THOC2: variants seen among roughly 807,000 people sequenced by gnomAD.
THOC2 encodes the protein THO complex 2.
A neutral mutation model predicts 128.4 loss-of-function variants in THOC2; 10 were observed. The observed-to-expected ratio is 0.08, with a 90% CI of 0.05 to 0.13. THOC2 has a LOEUF of 0.13. Ranked by LOEUF, THOC2 falls within the 10% of genes least tolerant of loss-of-function variation. THOC2 has a pLI of 1.00. For missense variants in THOC2, 535 were observed against 1,155.7 expected, an observed-to-expected ratio of 0.46 and a Z score of 7.79; for synonymous variants, 393 against 396.9, an observed-to-expected ratio of 0.99 and a Z score of 0.12.
At chrX:123,712,148 G>A (rs949283675) in intron 2 of THOC2, among the ~76,000 whole-genome samples, 1 of 109,765 alleles carries the variant, frequency 9.1e-6, no homozygotes, top group Admixed American at 9.8e-5. Context: ...TTATAAAAAT[G>A]TATTTTCTAA....
At position 123,636,186 on chromosome X, in the gene THOC2, TA is replaced by T; in HGVS notation, c.1922-12del. The T allele has an allele frequency of 2.6e-6, 3 of 1,162,304 alleles. No individual in the cohort carries two copies. The highest frequency in any genetic ancestry group is 3.0e-5 in the East Asian group (1 of 33,450). On this transcript the variant is annotated splice_polypyrimidine_tract_variant and intron_variant, in intron 18 of 38. Transcript: ENST00000245838. ...AGAAACTAGCCAGACCTATATAAAA[TA>T]AAAAAAGAGTAAAAACAACTCATAA...
chrX:123,680,334 A>C (rs2049711218), intron 8 of THOC2, among the ~76,000 whole-genome samples: 1 of 111,429 alleles, frequency 9.0e-6, no homozygotes, highest in Admixed American at 9.5e-5. Flanking sequence ...ACAATACTTA[A>C]TTCTTTACCT....
chrX:123,711,121 C>A (rs1312855962), intron 2 of THOC2, among the ~76,000 whole-genome samples: 1 of 104,609 alleles, frequency 9.6e-6, no homozygotes, highest in South Asian at 4.6e-4. Flanking sequence ...CGGGTTCAAG[C>A]GATTCTCGTA....
At position 123,658,720 on chromosome X, in the gene THOC2, C is replaced by G. The variant is rs1358096119; in HGVS notation, c.1386+6922G>C. Among the ~76,000 whole-genome samples the G allele has an allele frequency of 3.6e-5, 4 of 111,947 alleles. No individual in the cohort carries two copies. The Admixed American group carries it at 3.8e-4, about 11-fold the overall frequency. The stretch of plus-strand genomic sequence containing the variant: ...AGGAGAGAGGGATAAATGAGCAGAG[C>G]ACAGAGGATTTTTTAGGGCAGTGAT... On this transcript the variant is annotated intron_variant, in intron 12 of 38. Transcript: ENST00000245838.
At chrX:123,647,159 T>C (rs781575908) in intron 12 of THOC2, among the ~76,000 whole-genome samples, 1 of 111,648 alleles carries the variant, frequency 9.0e-6, no homozygotes, top group Non-Finnish European at 1.9e-5. Flanking sequence ...GAAAGAAATA[T>C]AGGAAGCAAA....
intron 33 of THOC2, among the ~76,000 whole-genome samples, chrX:123,619,093 G>A (rs1429705560): frequency 8.9e-6 from 1 of 111,917 alleles, no homozygotes; most frequent in African/African-American, 3.2e-5. Flanking sequence ...CCTCTTCCCC[G>A]AATGTTAAAC....
chrX:123,654,515 G>A (rs1462658579), intron 12 of THOC2, among the ~76,000 whole-genome samples: 2 of 107,715 alleles, frequency 1.9e-5, no homozygotes, highest in African/African-American at 3.4e-5. Context: ...CCAACACTTT[G>A]GGAGGCTGAG....
intron 11 of THOC2, 120 bp downstream of exon 11, chrX:123,666,986 A>T: frequency 2.0e-6 from 1 of 496,691 alleles, no homozygotes; most frequent in Non-Finnish European, 3.3e-6. Context: ...AATAGTTCTT[A>T]TCTTTTGATA....
intron 1 of THOC2, among the ~76,000 whole-genome samples, chrX:123,731,021 G>A (rs1023101193): frequency 1.8e-5 from 2 of 112,433 alleles, no homozygotes; most frequent in Non-Finnish European, 3.8e-5. Flanking sequence ...AAACATAACA[G>A]CCCCTAAATA....
At chrX:123,636,053 C>A (rs2047661957) in intron 19 of THOC2, 26 bp downstream of exon 19, 1 of 1,136,567 alleles carries the variant, frequency 8.8e-7, no homozygotes, top group African/African-American at 1.8e-5. Flanking sequence ...TATTGAATTT[C>A]ATTATGTATA....
intron 33 of THOC2, among the ~76,000 whole-genome samples, chrX:123,614,967 T>C (rs1292146510): frequency 1.8e-5 from 2 of 111,949 alleles, no homozygotes; most frequent in Non-Finnish European, 3.8e-5. Context: ...TCATCAAGGA[T>C]ATTCTAACTA....
intron 37 of THOC2, 88 bp from the exon 38 acceptor site, chrX:123,611,051 C>T: frequency 1.1e-6 from 1 of 871,895 alleles, no homozygotes; most frequent in Non-Finnish European, 1.7e-6. Context: ...AGGTTGCAGG[C>T]CTAAATGGGC....
At chrX:123,668,343 A>C (rs2049128350) in intron 9 of THOC2, 29 bp from the exon 10 acceptor site, 1 of 1,030,132 alleles carries the variant, frequency 9.7e-7, no homozygotes, top group South Asian at 2.3e-5. Context: ...AATTTCATAA[A>C]ATAGCTAATA....
intron 26 of THOC2, 37 bp downstream of exon 26, chrX:123,624,504 T>C: frequency 4.2e-6 from 5 of 1,180,339 alleles, no homozygotes; most frequent in African/African-American, 1.8e-5. Context: ...GGTCATTATA[T>C]ACATGGGTAA....
chrX:123,629,384 C>T (rs1449960124), intron 22 of THOC2, among the ~76,000 whole-genome samples: 1 of 110,184 alleles, frequency 9.1e-6, no homozygotes, highest in Non-Finnish European at 1.9e-5. Context: ...AGTCCTAAAA[C>T]TAGTTACTTC....
At chrX:123,613,332 T>C in intron 36 of THOC2, 67 bp downstream of exon 36, 2 of 1,078,372 alleles carry the variant, frequency 1.9e-6, no homozygotes, top group Admixed American at 5.2e-5. Context: ...AAATTCAATA[T>C]TTGCTAAATT....
chrX:123,725,264 TGAGAA>T (rs2051901299), intron 1 of THOC2, among the ~76,000 whole-genome samples: 1 of 110,030 alleles, frequency 9.1e-6, no homozygotes, highest in Admixed American at 9.8e-5. Flanking sequence ...TCTAATGGGT[TGAGAA>T]GAGAACAGTG....
intron 1 of THOC2, among the ~76,000 whole-genome samples, chrX:123,725,977 G>A (rs904039785): frequency 9.0e-6 from 1 of 111,617 alleles, no homozygotes; most frequent in Non-Finnish European, 1.9e-5. Flanking sequence ...AAGAGGCCGA[G>A]GAGGGCAGAT....
At chrX:123,647,493 G>T (rs2048173199) in intron 12 of THOC2, among the ~76,000 whole-genome samples, 1 of 110,903 alleles carries the variant, frequency 9.0e-6, no homozygotes, top group African/African-American at 3.3e-5. Flanking sequence ...CCAGGCATTG[G>T]GAATTCAAAT....
Sources: gnomAD v4.1 joint callset for allele counts (sites outside exome capture counted in the v4.1 genomes callset) on GRCh38, gnomAD v4.1.1 for gene constraint, MANE v1.5 for transcripts, NCBI Gene and HGNC (gene_info 2026-07-23, HGNC 2026-07-21) for gene names.